TSHR: variants seen among roughly 807,000 people sequenced by gnomAD.
TSHR encodes thyroid stimulating hormone receptor.
Under a neutral mutation model 64.1 loss-of-function variants are expected in TSHR, and 51 were observed. The ratio of observed to expected loss-of-function variants is 0.80; its 90% confidence interval spans 0.64 to 1.01. The LOEUF (loss-of-function observed/expected upper bound fraction) is 1.01, where lower values mean the gene tolerates loss of function less well. Ranked by LOEUF, TSHR falls within the 50% of genes least tolerant of loss-of-function variation. The probability of loss-of-function intolerance (pLI) is 0.00; values close to 1 mark genes in which losing one functional copy is unlikely to be tolerated. For synonymous variants in TSHR, 361 were observed against 361.9 expected, an observed-to-expected ratio of 1.00 and a Z score of 0.03; for missense variants, 877 against 942.8, an observed-to-expected ratio of 0.93 and a Z score of 0.91.
chr14:81,143,353 A>G lies in TSHR; in HGVS notation c.1295A>G (p.Asn432Ser), dbSNP rs368268514. Residue 432 changes from asparagine to serine, a missense_variant, in exon 10 of 10, where the codon AAT becomes AGT. Asn to Ser is a conservative substitution (Grantham distance 46). Transcript: ENST00000298171. The stretch of plus-strand genomic sequence containing the variant: ...GTTAGTCTGCTGGCTCTCCTGGGCA[A>G]TGTCTTTGTCCTGCTTATTCTCCTC... ...WFVSLLALLGNVFVLLILLTS... is the reference protein window; with the variant it reads ...WFVSLLALLGSVFVLLILLTS... The G allele has an allele frequency of 5.6e-6, 9 of 1,613,920 alleles. No individual in the cohort carries two copies. The East Asian group carries it at 8.9e-5, about 16-fold the overall frequency.
intron 1 of TSHR, among the ~76,000 whole-genome samples, chr14:80,963,191 C>G (rs1268850999): frequency 6.6e-6 from 1 of 152,204 alleles, no homozygotes; most frequent in African/African-American, 2.4e-5. Flanking sequence ...AAACTCAACA[C>G]AAACATATTA....
chr14:81,022,383 A>C (rs887545628), intron 1 of TSHR, among the ~76,000 whole-genome samples: 24 of 152,328 alleles, frequency 1.6e-4, no homozygotes, highest in African/African-American at 5.5e-4. Flanking sequence ...TTGGTCAAAG[A>C]GTTTTCTGGC....
intron 3 of TSHR, among the ~76,000 whole-genome samples, chr14:81,076,895 G>A (rs1040531811): frequency 2.0e-5 from 3 of 152,112 alleles, no homozygotes; most frequent in African/African-American, 7.2e-5. Flanking sequence ...AGTTCAGCTG[G>A]TTCCTGCCCA....
chr14:81,122,639 A>T (rs187742508), intron 8 of TSHR, among the ~76,000 whole-genome samples: 124 of 152,256 alleles, frequency 8.1e-4, no homozygotes, highest in Non-Finnish European at 1.0e-3. Flanking sequence ...CTCATCTTCT[A>T]TAGTAGAGAG....
rs1891902274 is a variant in TSHR, at chr14:81,145,687, T to C, written c.*1334T>C. Reference sequence around the variant, plus strand: ...TACTAAAGCTGTCAAGAGAGGTTTCTTCTTTTCTGAAACTGCCAGCTCTTT... The same window carrying C: ...TACTAAAGCTGTCAAGAGAGGTTTCCTCTTTTCTGAAACTGCCAGCTCTTT... On this transcript the variant is annotated 3_prime_UTR_variant, in exon 10 of 10. Coordinates refer to ENST00000298171, the MANE Select transcript of TSHR (RefSeq NM_000369.5). 4.3e-6 allele frequency: 1 copy of C among 233,062 alleles called. No individual in the cohort carries two copies. The highest frequency in any genetic ancestry group is 1.8e-4 in the South Asian group (1 of 5,532). 14.4% of individuals were successfully genotyped at this position (233,062 alleles called of 1,614,324 possible).
chr14:81,087,863 A>G lies in TSHR; in HGVS notation c.318-91A>G, dbSNP rs948133800. 3 of 1,056,474 alleles carry G rather than the reference A, an allele frequency of 2.8e-6. No homozygotes were observed. The Admixed American group carries it at 5.1e-5, about 18-fold the overall frequency. 65.4% of individuals were successfully genotyped at this position (1,056,474 alleles called of 1,614,324 possible). A position where few individuals can be genotyped will look rare whatever the true frequency, so the allele number is the denominator to read the frequency against. ...GCGTAAATGCATATTTTTCTCATGA[A>G]CGTTTGTTAAAACTGATTTATGTTG... is the stretch of plus-strand genomic sequence containing the variant. On this transcript the variant is annotated intron_variant, in intron 3 of 9. Transcript: ENST00000298171.
Position 81,144,410 on chromosome 14 carries a change from A to G in TSHR, c.*57A>G, listed in dbSNP as rs190438126. On this transcript the variant is annotated 3_prime_UTR_variant, in exon 10 of 10. Transcript: ENST00000298171. ...AACTTACAAAATAATAGTTTCTTGA[A>G]TATGCATTCCAATCCCATGACACCC... 7.1e-5 allele frequency: 111 copies of G among 1,567,000 alleles called. No individual in the cohort carries two copies. The African/African-American group carries it at 1.3e-3, about 18-fold the overall frequency.
At chr14:80,981,262 A>G (rs1566747034) in intron 1 of TSHR, among the ~76,000 whole-genome samples, 1 of 152,220 alleles carries the variant, frequency 6.6e-6, no homozygotes, top group Non-Finnish European at 1.5e-5. Context: ...GCCATCCAGT[A>G]GTTTAAATGC....
chr14:81,054,113 T>C lies in TSHR; in HGVS notation c.171-8035T>C, dbSNP rs191365769. ...GTGGGAGGGACCTGGTGGGAAATAA[T>C]TGAGTCATGAGAGCAGGTCTTTCCT... On this transcript the variant is annotated intron_variant, in intron 1 of 9. Coordinates refer to ENST00000298171, the MANE Select transcript of TSHR (RefSeq NM_000369.5). Among the ~76,000 whole-genome samples the C allele has an allele frequency of 3.9e-3, 594 of 152,280 alleles. 1 individual carries two copies. Among genetic ancestry groups the C allele is most frequent in the Non-Finnish European group, 4.6e-3 (315 of 68,018 alleles).
chr14:80,965,718 A>G (rs1887265062), intron 1 of TSHR, among the ~76,000 whole-genome samples: 1 of 152,248 alleles, frequency 6.6e-6, no homozygotes, highest in Non-Finnish European at 1.5e-5. Context: ...CCATTTAGAT[A>G]TCAGACCCTA....
chr14:81,103,824 A>T lies in TSHR; in HGVS notation c.615-4551A>T. 1.0e-6 allele frequency: 1 copy of T among 985,430 alleles called. No homozygotes were observed. Among genetic ancestry groups the T allele is most frequent in the Non-Finnish European group, 1.2e-6 (1 of 829,912 alleles). 61.0% of individuals were successfully genotyped at this position (985,430 alleles called of 1,614,324 possible). ...CACAGAATGTCTGATTCTCTGTATC[A>T]CATTTCCTATTGTCAAACTCTAGTA... On this transcript the variant is annotated intron_variant, in intron 7 of 9. Transcript: ENST00000298171. The surrounding 1 kb of genome is among the most constrained non-coding windows in gnomAD (Gnocchi z 4.1).
chr14:81,132,986 T>G (rs1293964929), intron 8 of TSHR, among the ~76,000 whole-genome samples: 1 of 152,122 alleles, frequency 6.6e-6, no homozygotes, highest in Non-Finnish European at 1.5e-5. Flanking sequence ...TCAAATAACT[T>G]AAAATGATTC....
chr14:80,969,207 A>T (rs1405142280), intron 1 of TSHR, among the ~76,000 whole-genome samples: 1 of 152,106 alleles, frequency 6.6e-6, no homozygotes, highest in Non-Finnish European at 1.5e-5. Flanking sequence ...AATTCATTCC[A>T]CCATTCTCGT....
intron 1 of TSHR, among the ~76,000 whole-genome samples, chr14:81,024,469 G>A (rs146358415): frequency 0.062 from 9,433 of 152,020 alleles, 952 homozygotes; most frequent in African/African-American, 0.21. Context: ...GGATGGTCTC[G>A]ATCTCCTGAC....
At chr14:81,039,429 C>G (rs961493655) in intron 1 of TSHR, among the ~76,000 whole-genome samples, 14 of 151,814 alleles carry the variant, frequency 9.2e-5, no homozygotes, top group Non-Finnish European at 1.8e-4. Context: ...AGATCTGGAA[C>G]AAGACAAGCA....
At position 81,022,077 on chromosome 14, in the gene TSHR, A is replaced by C. The variant is rs565009972; in HGVS notation, c.171-40071A>C. The stretch of plus-strand genomic sequence containing the variant: ...GGAGATCAAAACCATCCTGGCTAAC[A>C]TGGTGAAACCCCGTCTCTACTAAAA... On this transcript the variant is annotated intron_variant, in intron 1 of 9. Coordinates refer to ENST00000298171, the MANE Select transcript of TSHR (RefSeq NM_000369.5). Among the ~76,000 whole-genome samples, 30 of 143,910 alleles carry C rather than the reference A, an allele frequency of 2.1e-4. No homozygotes were observed. In the South Asian group the frequency reaches 5.1e-3, roughly 24 times the overall value. The allele number at this position is 143,910 out of a possible 152,430, so 94.4% of individuals were successfully genotyped here.
At position 81,103,432 on chromosome 14, in the gene TSHR, A is replaced by G; in HGVS notation, c.615-4943A>G. On this transcript the variant is annotated intron_variant, in intron 7 of 9. Transcript: ENST00000298171. This position sits in a 1 kb window ranked among gnomAD's most constrained non-coding sequence, Gnocchi z 4.1. ...ATCCCCTATCATTCCACTTCATGACAATTTACTGAAATTAGCAGATCGACC... is the reference window on the plus strand; with the variant it reads ...ATCCCCTATCATTCCACTTCATGACGATTTACTGAAATTAGCAGATCGACC... 1.0e-6 allele frequency: 1 copy of G among 985,450 alleles called. No individual in the cohort carries two copies. The highest frequency in any genetic ancestry group is 1.2e-6 in the Non-Finnish European group (1 of 829,942). The allele number at this position is 985,450 out of a possible 1,614,324, so 61.0% of individuals were successfully genotyped here.
At chr14:81,116,154 T>C (rs1179578213) in intron 8 of TSHR, among the ~76,000 whole-genome samples, 2 of 151,090 alleles carry the variant, frequency 1.3e-5, no homozygotes, top group Non-Finnish European at 3.0e-5. Flanking sequence ...AACATCAGAA[T>C]GACAGGATCA....
At chr14:81,048,275 C>T (rs1424819467) in intron 1 of TSHR, among the ~76,000 whole-genome samples, 1 of 152,120 alleles carries the variant, frequency 6.6e-6, no homozygotes, top group African/African-American at 2.4e-5. Flanking sequence ...GGGGACTTCT[C>T]ATATACAGCA....
Sources: gnomAD v4.1 joint callset for allele counts (sites outside exome capture counted in the v4.1 genomes callset) on GRCh38, gnomAD v4.1.1 for gene constraint, Gnocchi (gnomAD v3.1) non-coding constraint, MANE v1.5 for transcripts, NCBI Gene and HGNC (gene_info 2026-07-23, HGNC 2026-07-21) for gene names.